SMARCC2: variants seen among roughly 807,000 people sequenced by gnomAD.
SMARCC2 encodes the protein SWI/SNF related BAF chromatin remodeling complex subunit C2, also known as SWI/SNF complex subunit SMARCC2.
Under a neutral mutation model 151.3 loss-of-function variants are expected in SMARCC2, and 15 were observed. The observed-to-expected ratio is 0.10, with a 90% CI of 0.07 to 0.15. SMARCC2 has a LOEUF of 0.15. Ranked by LOEUF, SMARCC2 falls within the 10% of genes least tolerant of loss-of-function variation. The probability of loss-of-function intolerance (pLI) is 1.00; values close to 1 mark genes in which losing one functional copy is unlikely to be tolerated. For synonymous variants in SMARCC2, 590 were observed against 609.5 expected (o/e 0.97, Z 0.47); for missense variants, 1,031 against 1,599.7 (o/e 0.64, Z 6.06).
intron 2 of SMARCC2, 52 bp from the exon 3 acceptor site, chr12:56,186,292 C>A: frequency 9.4e-7 from 1 of 1,060,844 alleles, no homozygotes; most frequent in Non-Finnish European, 1.5e-6. Flanking sequence ...TGTAAATTCT[C>A]TCATCACTTA....
chr12:56,178,356 T>C (rs1875441965), intron 14 of SMARCC2, 48 bp downstream of exon 14: 1 of 1,609,120 alleles, frequency 6.2e-7, no homozygotes, highest in Non-Finnish European at 8.5e-7. Flanking sequence ...TGTTGACCCC[T>C]GGAGGCAGGG....
In SMARCC2 at chr12:56,178,097, C is replaced by A; in HGVS notation, c.1311-4G>T. On this transcript the variant is annotated splice_region_variant and splice_polypyrimidine_tract_variant and intron_variant, in intron 14 of 28. Transcript: ENST00000550164. The stretch of plus-strand genomic sequence containing the variant: ...CCTCCGCTCAATGGCATGAACACTG[C>A]AAGAAAAGCCAGAATGGTTTCAGAA... 6.2e-7 allele frequency: 1 copy of A among 1,610,370 alleles called. No homozygotes were observed. The highest frequency in any genetic ancestry group is 8.5e-7 in the Non-Finnish European group (1 of 1,177,914).
At chr12:56,164,865 TGCAACCTCCGCCTCCCGGGTTTAA>T in intron 27 of SMARCC2, 134 bp from the exon 28 acceptor site, 2 of 747,892 alleles carry the variant, frequency 2.7e-6, no homozygotes, top group East Asian at 5.4e-5. Context: ...CTTGGCTCAC[TGCAACCTCCGCCTCCCGGGTTTAA>T]GCAATCTCCT....
chr12:56,184,680 G>A (rs1876885168), intron 5 of SMARCC2, 164 bp downstream of exon 5: 1 of 601,082 alleles, frequency 1.7e-6, no homozygotes, highest in African/African-American at 1.9e-5. Flanking sequence ...GGGAGAAGCA[G>A]ACAGAAAAAG....
At position 56,173,804 on chromosome 12, in the gene SMARCC2, C is replaced by T; in HGVS notation, c.1542G>A (p.Val514=). The change falls in exon 17 of 29, where the codon GTG becomes GTA. Residue 514 remains valine (V), a synonymous_variant. Coordinates refer to ENST00000550164, the MANE Select transcript of SMARCC2 (RefSeq NM_001330288.2). The part of the protein sequence containing the change: ...LEQWGLINYQ[V]DAESRPTPMG... ...TTGGGGTTGGTCGACTCTCAGCATCCACCTGGTAGTTAATAAGACCCCACT... is the reference window on the plus strand; with the variant it reads ...TTGGGGTTGGTCGACTCTCAGCATCTACCTGGTAGTTAATAAGACCCCACT... 2 of 1,614,030 alleles carry T rather than the reference C, an allele frequency of 1.2e-6. No homozygotes were observed. The highest frequency in any genetic ancestry group is 1.7e-6 in the Non-Finnish European group (2 of 1,179,932).
At chr12:56,182,118 A>G (rs780611835) in intron 7 of SMARCC2, 39 bp from the exon 8 acceptor site, 1 of 1,444,392 alleles carries the variant, frequency 6.9e-7, no homozygotes, top group Admixed American at 1.8e-5. Flanking sequence ...AATCAATGGG[A>G]TAGAATTGTG....
In SMARCC2 at chr12:56,162,940, A is replaced by G. The variant is rs1872076407; in HGVS notation, c.*749T>C. 1 of 152,298 alleles carries G rather than the reference A, an allele frequency of 6.6e-6. No individual in the cohort carries two copies. The highest frequency in any genetic ancestry group is 1.5e-5 in the Non-Finnish European group (1 of 68,078). The allele number at this position is 152,298 out of a possible 1,614,324, so 9.4% of individuals were successfully genotyped here. On this transcript the variant is annotated 3_prime_UTR_variant, in exon 29 of 29. Transcript: ENST00000550164. ...TATTACCTACCACAGAAATCCCCGA[A>G]ATTAGGTTTTCCCCACCAAATACAC...
intron 11 of SMARCC2, among the ~76,000 whole-genome samples, chr12:56,180,360 C>G (rs191178546): frequency 6.6e-6 from 1 of 151,186 alleles, no homozygotes; most frequent in Non-Finnish European, 1.5e-5. Flanking sequence ...CCGCCCACCT[C>G]GGCCTGCCAA....
chr12:56,178,604 C>T, intron 13 of SMARCC2, 70 bp from the exon 14 acceptor site: 1 of 1,606,110 alleles, frequency 6.2e-7, no homozygotes, highest in Non-Finnish European at 8.5e-7. Flanking sequence ...GCTTCTCCCA[C>T]ACCCCAGGAA....
intron 15 of SMARCC2, among the ~76,000 whole-genome samples, chr12:56,175,892 CTT>C (rs1226741161): frequency 1.3e-5 from 2 of 151,854 alleles, no homozygotes; most frequent in Admixed American, 6.6e-5. Flanking sequence ...GAGTTTCACT[CTT>C]GTTGCCCAGG....
chr12:56,162,565 G>A lies in SMARCC2; in HGVS notation c.*1124C>T, dbSNP rs1872025625. The A allele has an allele frequency of 1.0e-5, 5 of 476,390 alleles. No homozygotes were observed. Among genetic ancestry groups the A allele is most frequent in the South Asian group, 3.1e-5 (1 of 32,480 alleles). The allele number at this position is 476,390 out of a possible 1,614,324, so 29.5% of individuals were successfully genotyped here. Reference sequence around the variant, plus strand: ...TCACACCTGCCTTCCCGTCACAGGGGAGAAGCTGGGACACGTGGAGCAGGA... The same window carrying A: ...TCACACCTGCCTTCCCGTCACAGGGAAGAAGCTGGGACACGTGGAGCAGGA... On this transcript the variant is annotated 3_prime_UTR_variant, in exon 29 of 29. Coordinates refer to ENST00000550164, the MANE Select transcript of SMARCC2 (RefSeq NM_001330288.2).
rs557270789 is a variant in SMARCC2, at chr12:56,185,681, T to C, written c.317+474A>G. 2.3e-3 allele frequency: 386 copies of C among 166,434 alleles called. 4 individuals carry two copies. Among genetic ancestry groups the C allele is most frequent in the African/African-American group, 8.8e-3 (367 of 41,568 alleles). 10.3% of individuals were successfully genotyped at this position (166,434 alleles called of 1,614,324 possible). On this transcript the variant is annotated intron_variant, in intron 3 of 28. Coordinates refer to ENST00000550164, the MANE Select transcript of SMARCC2 (RefSeq NM_001330288.2). ...TTAGTAGAGATGGGGTTTTGCCAAG[T>C]TGGCCAGGCTGGTCTCAAACTCCTG...
intron 2 of SMARCC2, among the ~76,000 whole-genome samples, chr12:56,186,441 C>T (rs1383281577): frequency 3.3e-5 from 5 of 151,222 alleles, no homozygotes; most frequent in Admixed American, 3.3e-4. Context: ...ACCTCTGCCT[C>T]CCAGGTTCAA....
rs372565954 is a variant in SMARCC2, at chr12:56,171,872, G to A, written c.1992C>T (p.Asp664=). The A allele has an allele frequency of 1.1e-5, 17 of 1,613,606 alleles. No homozygotes were observed. The highest frequency in any genetic ancestry group is 4.0e-5 in the African/African-American group (3 of 74,906). ...VSEHVGSRTQ[D]ECILHFLRLP... Reference sequence around the variant, plus strand: ...GACGAAGAAAATGCAAGATGCACTCGTCCTGTGTGCGGCTTCCCACATGCT... The same window carrying A: ...GACGAAGAAAATGCAAGATGCACTCATCCTGTGTGCGGCTTCCCACATGCT... Residue 664 remains aspartate (D), a synonymous_variant, in exon 21 of 29, where the codon GAC becomes GAT. Coordinates refer to ENST00000550164, the MANE Select transcript of SMARCC2 (RefSeq NM_001330288.2). This position sits in a 1 kb window ranked among gnomAD's most constrained non-coding sequence, Gnocchi z 4.2.
chr12:56,165,289 CAACAA>C, intron 27 of SMARCC2, 24 bp downstream of exon 27: 1 of 1,467,810 alleles, frequency 6.8e-7, no homozygotes, highest in Non-Finnish European at 9.0e-7. Context: ...TTCCTCTAGC[CAACAA>C]AAGTTCTGGA....
At chr12:56,186,005 C>A in intron 3 of SMARCC2, 150 bp downstream of exon 3, 1 of 650,458 alleles carries the variant, frequency 1.5e-6, no homozygotes, top group Non-Finnish European at 2.7e-6. Context: ...CTCTGACTCC[C>A]AACCATCTTC....
chr12:56,181,440 G>T, intron 10 of SMARCC2, 42 bp downstream of exon 10: 1 of 1,192,796 alleles, frequency 8.4e-7, no homozygotes, highest in Non-Finnish European at 1.2e-6. Flanking sequence ...ACATGATGTG[G>T]AGAGAATGGT....
chr12:56,180,847 C>G (rs74413827), intron 11 of SMARCC2, 130 bp downstream of exon 11: 9,495 of 921,134 alleles, frequency 0.01, 62 homozygotes, highest in Non-Finnish European at 0.012. Context: ...TTCCAATAAC[C>G]AGCTAAATTT....
chr12:56,169,403 GATAAAA>G (rs532448473), intron 25 of SMARCC2, 120 bp downstream of exon 25: 24 of 1,220,982 alleles, frequency 2.0e-5, no homozygotes, highest in Non-Finnish European at 2.6e-5. Context: ...CTCCTCCTGA[GATAAAA>G]ATAAAAAATA....
Sources: gnomAD v4.1 joint callset for allele counts (sites outside exome capture counted in the v4.1 genomes callset) on GRCh38, gnomAD v4.1.1 for gene constraint, Gnocchi (gnomAD v3.1) non-coding constraint, MANE v1.5 for transcripts, NCBI Gene and HGNC (gene_info 2026-07-23, HGNC 2026-07-21) for gene names.